RYR2: variants seen among roughly 807,000 people sequenced by gnomAD.
RYR2 encodes ryanodine receptor 2.
Under a neutral mutation model 601.1 loss-of-function variants are expected in RYR2, and 227 were observed. That is an observed-to-expected ratio of 0.38 (90% CI 0.34 to 0.42). The LOEUF (loss-of-function observed/expected upper bound fraction) is 0.42, where lower values mean the gene tolerates loss of function less well. Ranked by LOEUF, RYR2 falls within the 10% of genes least tolerant of loss-of-function variation. The pLI is 1.00. For missense variants in RYR2, 4,646 were observed against 6,156.5 expected (o/e 0.75, Z 8.21); for synonymous variants, 2,223 against 2,175.1 (o/e 1.02, Z -0.61).
chr1:237,325,836 G>A (rs1696118979), intron 2 of RYR2, among the ~76,000 whole-genome samples: 1 of 152,138 alleles, frequency 6.6e-6, no homozygotes, highest in Non-Finnish European at 1.5e-5. Flanking sequence ...ACAAGGAGAT[G>A]TTTTTATGTG....
Position 237,624,606 on chromosome 1 carries a change from A to G in RYR2, c.6022+736A>G, listed in dbSNP as rs968928690. On this transcript the variant is annotated intron_variant, in intron 39 of 104. Transcript: ENST00000366574. ...GTGTACTTTCTAGAAAATGTAGACT[A>G]TATCTTTTGAAATTAGTGAATGCCT... 4.6e-5 allele frequency among the ~76,000 whole-genome samples: 7 copies of G among 152,210 alleles called. No individual in the cohort carries two copies. In the South Asian group the frequency reaches 6.2e-4, roughly 13 times the overall value.
chr1:237,828,379 AG>A lies in RYR2; in HGVS notation c.14591del, dbSNP rs1264893622. 6.5e-7 allele frequency: 1 copy of A among 1,548,208 alleles called. No individual in the cohort carries two copies. The highest frequency in any genetic ancestry group is 8.8e-7 in the Non-Finnish European group (1 of 1,139,940). On this transcript the variant is annotated splice_acceptor_variant, in intron 101 of 104. Transcript: ENST00000366574. LOFTEE classifies it high-confidence loss of function. ...TTAAATTGTGTTTTTATTTAACACC[AG>A]GTCTAATTATTGATGCTTTTGGAGA...
rs574169646 is a variant in RYR2, at chr1:237,614,859, G to T, written c.5715+16G>T. The T allele has an allele frequency of 1.3e-6, 2 of 1,537,774 alleles. No homozygotes were observed. Among genetic ancestry groups the T allele is most frequent in the South Asian group, 2.6e-5 (2 of 76,896 alleles). Reference sequence around the variant, plus strand: ...TAAATTGCAGGTAATCAGAACAAGAGACTTGAGTGAATTTCAGAATTGCTA... The same window carrying T: ...TAAATTGCAGGTAATCAGAACAAGATACTTGAGTGAATTTCAGAATTGCTA... On this transcript the variant is annotated intron_variant, in intron 37 of 104. Transcript: ENST00000366574. This position sits in a 1 kb window ranked among gnomAD's most constrained non-coding sequence, Gnocchi z 4.3.
intron 54 of RYR2, among the ~76,000 whole-genome samples, chr1:237,658,819 T>C (rs1301990124): frequency 6.6e-6 from 1 of 152,214 alleles, no homozygotes; most frequent in Non-Finnish European, 1.5e-5. Context: ...ATCTGCAGTT[T>C]ACTAAAAATA....
chr1:237,048,900 T>C (rs1487002324), intron 1 of RYR2, among the ~76,000 whole-genome samples: 3 of 152,190 alleles, frequency 2.0e-5, no homozygotes, highest in South Asian at 2.1e-4. Context: ...ATCACTTGAA[T>C]GCGTCCAAAT....
At position 237,496,724 on chromosome 1, in the gene RYR2, T is replaced by C. The variant is rs758813812; in HGVS notation, c.2175T>C (p.Tyr725=). 2.0e-5 allele frequency: 33 copies of C among 1,613,738 alleles called. No homozygotes were observed. Among genetic ancestry groups the C allele is most frequent in the Non-Finnish European group, 2.3e-5 (27 of 1,179,766 alleles). ...GTGTTGGAGATGATCTCTTCTCCTA[T>C]GGATTTGATGGCCTTCATCTCTGGT... ...GNGVGDDLFS[Y]GFDGLHLWSG... Residue 725 remains tyrosine (Y), a synonymous_variant, in exon 20 of 105, where the codon TAT becomes TAC. Transcript: ENST00000366574.
intron 96 of RYR2, among the ~76,000 whole-genome samples, chr1:237,797,075 C>T (rs1044730342): frequency 6.6e-5 from 10 of 152,014 alleles, no homozygotes; most frequent in African/African-American, 2.2e-4. Context: ...TGAGCCACCA[C>T]TCCTGGCCTC....
intron 1 of RYR2, among the ~76,000 whole-genome samples, chr1:237,203,165 C>T (rs1322500259): frequency 6.6e-6 from 1 of 152,064 alleles, no homozygotes. Context: ...ACACACACCC[C>T]ACCCACCCAC....
chr1:237,315,411 A>G (rs2149506484), intron 2 of RYR2, among the ~76,000 whole-genome samples: 1 of 152,234 alleles, frequency 6.6e-6, no homozygotes, highest in East Asian at 1.9e-4. Context: ...GAAAAATCAT[A>G]TCTACATTAT....
At chr1:237,067,848 C>G (rs1002747259) in intron 1 of RYR2, among the ~76,000 whole-genome samples, 3 of 152,076 alleles carry the variant, frequency 2.0e-5, no homozygotes, top group Non-Finnish European at 4.4e-5. Flanking sequence ...TTAATTATTG[C>G]TTCCTATTTC....
At chr1:237,624,311 A>G (rs944980611) in intron 39 of RYR2, among the ~76,000 whole-genome samples, 1 of 152,186 alleles carries the variant, frequency 6.6e-6, no homozygotes, top group Non-Finnish European at 1.5e-5. Flanking sequence ...AAATTCTGTT[A>G]AGAGGGTAGA....
intron 24 of RYR2, among the ~76,000 whole-genome samples, chr1:237,516,823 T>C (rs1666600024): frequency 6.6e-6 from 1 of 152,114 alleles, no homozygotes; most frequent in Non-Finnish European, 1.5e-5. Context: ...CAAGTATACG[T>C]CACTCTTCCT....
At chr1:237,558,297 A>G (rs955780990) in intron 27 of RYR2, among the ~76,000 whole-genome samples, 5 of 152,172 alleles carry the variant, frequency 3.3e-5, no homozygotes, top group Non-Finnish European at 5.9e-5. Flanking sequence ...ATAGAAAATG[A>G]GTTTATTTTC....
intron 1 of RYR2, among the ~76,000 whole-genome samples, chr1:237,062,847 G>T (rs1663052588): frequency 6.6e-6 from 1 of 152,134 alleles, no homozygotes; most frequent in Non-Finnish European, 1.5e-5. Context: ...GGTTTACTAA[G>T]CTGTTTTGTT....
At chr1:237,822,594 A>G (rs994443313) in intron 101 of RYR2, among the ~76,000 whole-genome samples, 4 of 152,222 alleles carry the variant, frequency 2.6e-5, no homozygotes, top group African/African-American at 9.6e-5. Context: ...TGTAAAGACC[A>G]TTGACACTAT....
At chr1:237,588,737 G>C (rs1276107506) in intron 29 of RYR2, among the ~76,000 whole-genome samples, 1 of 152,130 alleles carries the variant, frequency 6.6e-6, no homozygotes, top group Non-Finnish European at 1.5e-5. Flanking sequence ...GGAGGCTGTG[G>C]CTGGAGAATC....
At chr1:237,056,773 C>A (rs894707831) in intron 1 of RYR2, among the ~76,000 whole-genome samples, 1 of 149,318 alleles carries the variant, frequency 6.7e-6, no homozygotes, top group African/African-American at 2.5e-5. Context: ...CCTGTGAGGA[C>A]TAGAGACTGC....
chr1:237,282,069 G>A (rs6692193), intron 2 of RYR2, among the ~76,000 whole-genome samples: 1 of 139,912 alleles, frequency 7.1e-6, no homozygotes, highest in African/African-American at 3.1e-5. Context: ...ACTGTTAGAA[G>A]CCTGGCTATA....
intron 1 of RYR2, among the ~76,000 whole-genome samples, chr1:237,109,311 T>C (rs1447401440): frequency 1.3e-5 from 2 of 151,568 alleles, no homozygotes; most frequent in East Asian, 3.9e-4. Flanking sequence ...TTTTTTGAAA[T>C]TGAGAAATAT....
Sources: gnomAD v4.1 joint callset for allele counts (sites outside exome capture counted in the v4.1 genomes callset) on GRCh38, gnomAD v4.1.1 for gene constraint, Gnocchi (gnomAD v3.1) non-coding constraint, MANE v1.5 for transcripts, NCBI Gene and HGNC (gene_info 2026-07-23, HGNC 2026-07-21) for gene names.